The following LRRC37A3 variants were observed in gnomAD, a reference collection of about 807,000 sequenced individuals.
The protein encoded by LRRC37A3 is leucine-rich repeat-containing protein 37A3.
A neutral mutation model predicts 106.2 loss-of-function variants in LRRC37A3; 25 were observed. The ratio of observed to expected loss-of-function variants is 0.24; its 90% CI spans 0.17 to 0.33. The LOEUF is 0.33. Among genes scored for constraint, LRRC37A3 ranks in the 10% least tolerant of loss-of-function variants. The probability of loss-of-function intolerance (pLI) is 1.00; values close to 1 mark genes in which losing one functional copy is unlikely to be tolerated. For missense variants in LRRC37A3, 712 were observed against 1,644.9 expected (o/e 0.43, Z 9.81); for synonymous variants, 305 against 635.8 (o/e 0.48, Z 7.83).
chr17:64,868,444 C>T lies in LRRC37A3; in HGVS notation c.3053+18G>A, dbSNP rs760338219. On this transcript the variant is annotated intron_variant, in intron 10 of 14. Transcript: ENST00000584306. ...GAAACAACTACGTAAAAATAAATCT[C>T]GGAAAAAAATAACTTACAGTTTTTC... The T allele has an allele frequency of 7.5e-6, 12 of 1,609,770 alleles. No individual in the cohort carries two copies. The highest frequency in any genetic ancestry group is 2.2e-5 in the East Asian group (1 of 44,836).
chr17:64,863,269 T>C (rs1179400291), intron 10 of LRRC37A3: 3 of 518,274 alleles, frequency 5.8e-6, no homozygotes, highest in Admixed American at 3.5e-5. Flanking sequence ...CAGTGATTAG[T>C]AGTTTCAGAA....
intron 10 of LRRC37A3, 107 bp from the exon 11 acceptor site, chr17:64,863,125 G>A: frequency 6.7e-7 from 1 of 1,488,934 alleles, no homozygotes; most frequent in Non-Finnish European, 9.2e-7. Flanking sequence ...TATCATTGAA[G>A]CCTGTGGACT....
Position 64,854,402 on chromosome 17 carries a change from C to T in LRRC37A3, c.*197G>A. 1 of 788,764 alleles carries T rather than the reference C, an allele frequency of 1.3e-6. No individual in the cohort carries two copies. Among genetic ancestry groups the T allele is most frequent in the Non-Finnish European group, 2.0e-6 (1 of 491,342 alleles). The allele number at this position is 788,764 out of a possible 1,614,324, so 48.9% of individuals were successfully genotyped here. ...ACAATGTTATTTAATTGTAAAATCTCCACCCCCTGAGCATATGTTTTCAGG... is the reference window on the plus strand; with the variant it reads ...ACAATGTTATTTAATTGTAAAATCTTCACCCCCTGAGCATATGTTTTCAGG... On this transcript the variant is annotated 3_prime_UTR_variant, in exon 15 of 15. Transcript: ENST00000584306.
rs1245203014 is a variant in LRRC37A3, at chr17:64,868,516, A to G, written c.2999T>C (p.Val1000Ala). ...AATGTTCTTAAGTGTTGTAAGTGGG[A>G]CTAGCGTTGTTCCCATGTCTCTGAA... ...LKYLDMGTTL[V>A]PLTTLKNILM... Residue 1000 changes from valine (V) to alanine (A), a missense_variant, in exon 10 of 15, where the codon GTC becomes GCC. Coordinates refer to ENST00000584306, the MANE Select transcript of LRRC37A3 (RefSeq NM_199340.5). 10 of 1,610,498 alleles carry G rather than the reference A, an allele frequency of 6.2e-6. 1 individual carries two copies. The South Asian group carries it at 8.9e-5, about 14-fold the overall frequency.
chr17:64,854,641 G>C lies in LRRC37A3; in HGVS notation c.4863C>G (p.Asp1621Glu). Residue 1621 changes from aspartate to glutamate, a missense_variant, in exon 15 of 15, where the codon GAC becomes GAG. Transcript: ENST00000584306. ...TCTCCTCCTCCGTTGGGGCTTCGCT[G>C]TCCCTGGGATAAGAATAACAATGCC... The part of the protein sequence containing the change: ...LQEDEEGFSR[D>E]SEAPTEEESE... The C allele has an allele frequency of 6.2e-7, 1 of 1,613,612 alleles. No homozygotes were observed. The highest frequency in any genetic ancestry group is 1.1e-5 in the South Asian group (1 of 91,054).
Position 64,896,613 on chromosome 17 carries a change from A to C in LRRC37A3, c.645T>G (p.Pro215=), listed in dbSNP as rs1481441336. 6.1e-6 allele frequency: 9 copies of C among 1,486,028 alleles called. No individual in the cohort carries two copies. The highest frequency in any genetic ancestry group is 8.2e-6 in the Non-Finnish European group (9 of 1,094,236). 92.1% of individuals were successfully genotyped at this position (1,486,028 alleles called of 1,614,324 possible). A position where few individuals can be genotyped will look rare whatever the true frequency, so the allele number is the denominator to read the frequency against. The part of the protein sequence containing the change: ...EPPGPSEQVG[P]SQFHLEPETQ... ...TTTCGGGCTCTAGATGGAATTGAGAAGGTCCAACTTGCTCAGAGGGCCCTG... is the reference window on the plus strand; with the variant it reads ...TTTCGGGCTCTAGATGGAATTGAGACGGTCCAACTTGCTCAGAGGGCCCTG... The change falls in exon 4 of 15, where the codon CCT becomes CCG. Residue 215 remains proline, a synonymous_variant. Transcript: ENST00000584306.
At chr17:64,913,526 G>C (rs1277311178) in intron 2 of LRRC37A3, among the ~76,000 whole-genome samples, 2 of 151,010 alleles carry the variant, frequency 1.3e-5, no homozygotes, top group Non-Finnish European at 1.5e-5. Flanking sequence ...TTTTAGTAGA[G>C]ATGGGGTTTC....
intron 10 of LRRC37A3, among the ~76,000 whole-genome samples, chr17:64,867,788 G>C (rs1973166703): frequency 6.6e-6 from 1 of 152,078 alleles, no homozygotes; most frequent in Admixed American, 6.5e-5. Flanking sequence ...ATTCTGCTGA[G>C]TGAGGCCAGG....
At position 64,860,617 on chromosome 17, in the gene LRRC37A3, T is replaced by C. The variant is rs1972836157; in HGVS notation, c.3529A>G (p.Arg1177Gly). 3 of 1,613,820 alleles carry C rather than the reference T, an allele frequency of 1.9e-6. No homozygotes were observed. The highest frequency in any genetic ancestry group is 2.5e-6 in the Non-Finnish European group (3 of 1,179,868). ...VLMGPRSIQK[R>G]HFKEVGRQSI... ...TGCCTTCCTACCTCTTTGAAGTGCC[T>C]TTTCTGGATGCTCCTTGGGCCCATG... is the stretch of plus-strand genomic sequence containing the variant. Residue 1177 changes from arginine to glycine, a missense_variant, in exon 12 of 15, where the codon AGG (arginine) becomes GGG (glycine). Transcript: ENST00000584306.
intron 8 of LRRC37A3, among the ~76,000 whole-genome samples, chr17:64,872,257 C>T (rs141996406): frequency 0.022 from 2,948 of 132,356 alleles, 38 homozygotes; most frequent in Non-Finnish European, 0.031. Flanking sequence ...TTTTTCAGAA[C>T]TCTAGAAATG....
chr17:64,877,806 CAAAT>C (rs1388679493), intron 8 of LRRC37A3, among the ~76,000 whole-genome samples: 1 of 152,110 alleles, frequency 6.6e-6, no homozygotes, highest in Non-Finnish European at 1.5e-5. Context: ...TGTGGACAGA[CAAAT>C]AAATCAATAG....
intron 8 of LRRC37A3, among the ~76,000 whole-genome samples, chr17:64,874,524 G>A (rs1483887549): frequency 2.7e-5 from 4 of 150,560 alleles, no homozygotes; most frequent in East Asian, 2.0e-4. Context: ...GAGGTGGGGG[G>A]TGCCTCTGCC....
At chr17:64,855,725 C>A in intron 14 of LRRC37A3, 115 bp downstream of exon 14, 4 of 1,542,062 alleles carry the variant, frequency 2.6e-6, no homozygotes, top group Non-Finnish European at 3.5e-6. Flanking sequence ...TCGCTTGAAC[C>A]TGGGAAGTGG....
At chr17:64,911,164 G>A (rs932385833) in intron 2 of LRRC37A3, among the ~76,000 whole-genome samples, 5 of 151,496 alleles carry the variant, frequency 3.3e-5, no homozygotes, top group African/African-American at 1.2e-4. Context: ...CTTAAGAGGA[G>A]AAACAACCGT....
Position 64,854,357 on chromosome 17 carries a change from C to T in LRRC37A3, c.*242G>A, listed in dbSNP as rs1225086080. ...ATTATATGACTGGTGCTTGATGAAC[C>T]AAGGGAGAGGGCACCAAAAACAATG... On this transcript the variant is annotated 3_prime_UTR_variant, in exon 15 of 15. Transcript: ENST00000584306. 1.6e-6 allele frequency: 1 copy of T among 638,706 alleles called. No homozygotes were observed. Among genetic ancestry groups the T allele is most frequent in the African/African-American group, 1.8e-5 (1 of 54,406 alleles). The allele number at this position is 638,706 out of a possible 1,614,324, so 39.6% of individuals were successfully genotyped here. A position where few individuals can be genotyped will look rare whatever the true frequency, so the allele number is the denominator to read the frequency against.
intron 2 of LRRC37A3, among the ~76,000 whole-genome samples, chr17:64,917,179 G>A (rs1357347159): frequency 1.4e-5 from 2 of 146,922 alleles, no homozygotes; most frequent in Non-Finnish European, 3.0e-5. Context: ...CCGGGAGGCG[G>A]AGCTTGCAGT....
chr17:64,915,440 A>G (rs1305772015), intron 2 of LRRC37A3, among the ~76,000 whole-genome samples: 1 of 152,270 alleles, frequency 6.6e-6, no homozygotes, highest in East Asian at 1.9e-4. Flanking sequence ...TTCAAACTGC[A>G]GTGTTCATAA....
At chr17:64,878,992 A>T (rs1423376656) in intron 8 of LRRC37A3, among the ~76,000 whole-genome samples, 2 of 152,184 alleles carry the variant, frequency 1.3e-5, no homozygotes, top group Non-Finnish European at 2.9e-5. Context: ...AATATCACTC[A>T]GCCTTGCAAA....
chr17:64,864,219 A>C (rs1023664512), intron 10 of LRRC37A3, among the ~76,000 whole-genome samples: 2 of 152,144 alleles, frequency 1.3e-5, no homozygotes, highest in African/African-American at 4.8e-5. Context: ...AGGCAGGAAG[A>C]ATACATCACC....
Sources: gnomAD v4.1 joint callset for allele counts (sites outside exome capture counted in the v4.1 genomes callset) on GRCh38, gnomAD v4.1.1 for gene constraint, MANE v1.5 for transcripts, NCBI Gene and HGNC (gene_info 2026-07-23, HGNC 2026-07-21) for gene names.